The following ATXN7 variants were observed in gnomAD, a reference collection of about 807,000 sequenced individuals.
The protein encoded by ATXN7 is ataxin 7, also known as ataxin-7.
Under a neutral mutation model 70.5 loss-of-function variants are expected in ATXN7, and 12 were observed. The ratio of observed to expected loss-of-function variants is 0.17; its 90% CI spans 0.11 to 0.28. The LOEUF (loss-of-function observed/expected upper bound fraction) is 0.28. Ranked by LOEUF, ATXN7 falls within the 10% of genes least tolerant of loss-of-function variation. The pLI is 1.00. For missense variants in ATXN7, 1,256 were observed against 1,131.7 expected, an observed-to-expected ratio of 1.11 and a Z score of -1.58; for synonymous variants, 498 against 448.7, an observed-to-expected ratio of 1.11 and a Z score of -1.39.
chr3:63,874,822 T>C (rs1702703367), intron 1 of ATXN7, among the ~76,000 whole-genome samples: 1 of 152,226 alleles, frequency 6.6e-6, no homozygotes, highest in Non-Finnish European at 1.5e-5. Context: ...CTGTTCAGGC[T>C]ACTCTAACAA....
intron 4 of ATXN7, among the ~76,000 whole-genome samples, chr3:63,946,659 A>T (rs1447024023): frequency 6.7e-6 from 1 of 149,956 alleles, no homozygotes; most frequent in Non-Finnish European, 1.5e-5. Context: ...AAAAAAAAAA[A>T]GGAATTTTAG....
intron 4 of ATXN7, among the ~76,000 whole-genome samples, chr3:63,914,345 A>C (rs1366683672): frequency 6.6e-6 from 1 of 152,186 alleles, no homozygotes; most frequent in African/African-American, 2.4e-5. Flanking sequence ...ACTCGGAGGA[A>C]GAGTAATACC....
At chr3:63,982,092 G>C in intron 6 of ATXN7, 94 bp from the exon 7 acceptor site, 1 of 1,550,732 alleles carries the variant, frequency 6.4e-7, no homozygotes, top group South Asian at 1.2e-5. Flanking sequence ...CGCTTGGGTA[G>C]GCCCAGGCTC....
At chr3:63,890,475 G>T (rs1229886795) in intron 1 of ATXN7, among the ~76,000 whole-genome samples, 1 of 152,076 alleles carries the variant, frequency 6.6e-6, no homozygotes, top group African/African-American at 2.4e-5. Flanking sequence ...GTATAACAGG[G>T]CATTACATAA....
rs1447024023 is a variant in ATXN7 at position 63,946,659 on chromosome 3, A to G, written c.395-5720A>G. 1.1e-4 allele frequency among the ~76,000 whole-genome samples: 16 copies of G among 149,956 alleles called. 1 individual carries two copies. The highest frequency in any genetic ancestry group is 8.6e-4 in the Admixed American group (13 of 15,036). Reference sequence around the variant, plus strand: ...CTCTGTCTCAAAAAAAAAAAAAAAAAGGAATTTTAGGAGAACAAGACAGGT... The same window carrying G: ...CTCTGTCTCAAAAAAAAAAAAAAAAGGGAATTTTAGGAGAACAAGACAGGT... On this transcript the variant is annotated intron_variant, in intron 4 of 12. Coordinates refer to ENST00000674280, the MANE Select transcript of ATXN7 (RefSeq NM_001377405.1).
chr3:63,890,586 A>G (rs1209131083), intron 1 of ATXN7, among the ~76,000 whole-genome samples: 3 of 152,206 alleles, frequency 2.0e-5, no homozygotes, highest in African/African-American at 7.2e-5. Flanking sequence ...TGATTTTGCT[A>G]CCTCGTAGAA....
intron 4 of ATXN7, among the ~76,000 whole-genome samples, chr3:63,946,694 G>A (rs1477277232): frequency 6.6e-6 from 1 of 151,648 alleles, no homozygotes; most frequent in African/African-American, 2.4e-5. Flanking sequence ...TTCTGAGAAT[G>A]ACAGGAGACT....
chr3:63,998,509 C>CT (rs1365091992), intron 12 of ATXN7: 7 of 985,162 alleles, frequency 7.1e-6, no homozygotes, highest in Non-Finnish European at 7.2e-6. Context: ...CTATGTCTTA[C>CT]TAGAACAACA....
chr3:63,978,980 G>C (rs1439425646), intron 5 of ATXN7, among the ~76,000 whole-genome samples: 3 of 152,160 alleles, frequency 2.0e-5, no homozygotes, highest in African/African-American at 7.2e-5. Context: ...TTAAAACTTA[G>C]AGTTAAGCAA....
chr3:63,936,846 G>C (rs1222635945), intron 4 of ATXN7, among the ~76,000 whole-genome samples: 2 of 152,132 alleles, frequency 1.3e-5, no homozygotes, highest in African/African-American at 4.8e-5. Flanking sequence ...CCCATATTTT[G>C]TACCTTTGAC....
At chr3:63,985,726 C>T (rs1235967783) in intron 8 of ATXN7, among the ~76,000 whole-genome samples, 1 of 152,192 alleles carries the variant, frequency 6.6e-6, no homozygotes, top group Non-Finnish European at 1.5e-5. Flanking sequence ...TCTAATATCC[C>T]GTCGAAAGTC....
chr3:63,872,574 G>A (rs949745636), intron 1 of ATXN7, among the ~76,000 whole-genome samples: 2 of 152,208 alleles, frequency 1.3e-5, no homozygotes, highest in African/African-American at 4.8e-5. Flanking sequence ...GTACCACTCT[G>A]CCATATTCTG....
intron 4 of ATXN7, among the ~76,000 whole-genome samples, chr3:63,933,136 C>G (rs1417131432): frequency 1.3e-5 from 2 of 152,150 alleles, no homozygotes; most frequent in Non-Finnish European, 2.9e-5. Flanking sequence ...CAAAAAGGCT[C>G]TACTAGTTTC....
At chr3:63,915,787 T>C (rs1277398382) in intron 4 of ATXN7, among the ~76,000 whole-genome samples, 4 of 151,936 alleles carry the variant, frequency 2.6e-5, no homozygotes, top group Non-Finnish European at 4.4e-5. Context: ...GTTCAAGCGA[T>C]TCTCTGGACT....
chr3:63,880,841 C>G (rs1007506855), intron 1 of ATXN7, among the ~76,000 whole-genome samples: 37 of 152,194 alleles, frequency 2.4e-4, no homozygotes, highest in African/African-American at 8.9e-4. Flanking sequence ...TTATGGCTTT[C>G]TTTCCTACTA....
At chr3:63,876,015 TG>T (rs1404130350) in intron 1 of ATXN7, among the ~76,000 whole-genome samples, 1 of 152,206 alleles carries the variant, frequency 6.6e-6, no homozygotes, top group East Asian at 1.9e-4. Context: ...TTTTCTAATT[TG>T]TTTCAGGCAC....
At chr3:63,962,908 C>CTTTTTTTTTTTTTTTT (rs71631179) in intron 5 of ATXN7, among the ~76,000 whole-genome samples, 1 of 136,344 alleles carries the variant, frequency 7.3e-6, no homozygotes, top group Non-Finnish European at 1.6e-5. Flanking sequence ...TTTTGTATTT[C>CTTTTTTTTTTTTTTTT]TTTTTTTTTT....
In ATXN7 at chr3:63,987,391, A is replaced by T. The variant is rs561247650; in HGVS notation, c.1096-668A>T. 1.1e-4 allele frequency among the ~76,000 whole-genome samples: 16 copies of T among 152,120 alleles called. 1 individual carries two copies. The highest frequency in any genetic ancestry group is 3.6e-4 in the African/African-American group (15 of 41,500). ...GGGTGTTGTCCATCCCATTTCCTTA[A>T]TTTCCATAGCCAGTGTCTATCTATA... On this transcript the variant is annotated intron_variant, in intron 8 of 12. Transcript: ENST00000674280.
chr3:63,866,864 C>G (rs1702447196), intron 1 of ATXN7: 1 of 151,860 alleles, frequency 6.6e-6, no homozygotes, highest in Non-Finnish European at 1.5e-5. Flanking sequence ...GGCAGAAACA[C>G]AGAAATGGAA....
Sources: allele counts gnomAD v4.1 joint callset (sites outside exome capture counted in the v4.1 genomes callset), GRCh38; gene constraint gnomAD v4.1.1; transcripts MANE v1.5; gene names NCBI Gene and HGNC (gene_info 2026-07-23, HGNC 2026-07-21).